MYT1L: variants seen among roughly 807,000 people sequenced by gnomAD.
The protein encoded by MYT1L is myelin transcription factor 1-like protein.
Under a neutral mutation model 126.7 loss-of-function variants are expected in MYT1L, and 12 were observed. That is an observed-to-expected ratio of 0.09 (90% CI 0.06 to 0.15). MYT1L has a LOEUF of 0.15. Ranked by LOEUF, MYT1L falls within the 10% of genes least tolerant of loss-of-function variation. The pLI, the probability that MYT1L is intolerant of heterozygous loss-of-function variation, is 1.00. For synonymous variants in MYT1L, 541 were observed against 604.2 expected (o/e 0.90, Z 1.53); for missense variants, 979 against 1,585.2 (o/e 0.62, Z 6.49).
At chr2:2,064,544 T>C (rs571811381) in intron 3 of MYT1L, among the ~76,000 whole-genome samples, 2 of 152,342 alleles carry the variant, frequency 1.3e-5, no homozygotes, top group South Asian at 4.1e-4. Flanking sequence ...AGACTGAAAG[T>C]ATCTGTGTAC....
intron 22 of MYT1L, among the ~76,000 whole-genome samples, chr2:1,808,202 A>G (rs2036020854): frequency 2.0e-5 from 3 of 152,156 alleles, no homozygotes; most frequent in African/African-American, 7.2e-5. Context: ...CACCTGTTTT[A>G]TGTGTGCTCC....
chr2:2,159,184 G>A (rs1027645653), intron 3 of MYT1L, among the ~76,000 whole-genome samples: 8 of 152,216 alleles, frequency 5.3e-5, no homozygotes, highest in South Asian at 4.2e-4. Flanking sequence ...TCGGGGTGAC[G>A]GTGACAGACC....
In MYT1L at chr2:1,801,954, G is replaced by C; in HGVS notation, c.3173-155C>G. Reference sequence around the variant, plus strand: ...AAAGGAAAAAATCATCACAATCTCTGTGTCTTTCTATTCCCTACCACCGCC... The same window carrying C: ...AAAGGAAAAAATCATCACAATCTCTCTGTCTTTCTATTCCCTACCACCGCC... On this transcript the variant is annotated intron_variant, in intron 22 of 24. Transcript: ENST00000647738. The surrounding 1 kb of genome is among the most constrained non-coding windows in gnomAD (Gnocchi z 4.2). 4 of 578,368 alleles carry C rather than the reference G, an allele frequency of 6.9e-6. No homozygotes were observed. The South Asian group carries it at 8.9e-5, about 13-fold the overall frequency. The allele number at this position is 578,368 out of a possible 1,614,324, so 35.8% of individuals were successfully genotyped here. A position where few individuals can be genotyped will look rare whatever the true frequency, so the allele number is the denominator to read the frequency against.
At chr2:1,862,553 T>A (rs182809438) in intron 18 of MYT1L, among the ~76,000 whole-genome samples, 129 of 152,334 alleles carry the variant, frequency 8.5e-4, no homozygotes, top group Middle Eastern at 6.8e-3. Flanking sequence ...TCAGTTCACA[T>A]GGACTTTCCA....
chr2:2,119,925 A>G (rs1323196615), intron 3 of MYT1L, among the ~76,000 whole-genome samples: 1 of 152,132 alleles, frequency 6.6e-6, no homozygotes, highest in Admixed American at 6.5e-5. Context: ...AATATGACAG[A>G]GAAAAGAAAT....
At chr2:1,965,329 A>G (rs956307745) in intron 8 of MYT1L, among the ~76,000 whole-genome samples, 7 of 148,674 alleles carry the variant, frequency 4.7e-5, no homozygotes, top group African/African-American at 1.5e-4. Context: ...AGACTCTGTG[A>G]CTTGCAGGGA....
At chr2:2,213,593 A>G (rs969752777) in intron 2 of MYT1L, among the ~76,000 whole-genome samples, 1 of 152,230 alleles carries the variant, frequency 6.6e-6, no homozygotes, top group Non-Finnish European at 1.5e-5. Context: ...TTATATTCAC[A>G]GTGCCTTCAG....
chr2:2,105,843 C>T lies in MYT1L; in HGVS notation c.-303-51720G>A, dbSNP rs533150204. Among the ~76,000 whole-genome samples the T allele has an allele frequency of 2.6e-5, 4 of 152,208 alleles. No homozygotes were observed. The South Asian group carries it at 6.2e-4, about 24-fold the overall frequency. On this transcript the variant is annotated intron_variant, in intron 3 of 24. Coordinates refer to ENST00000647738, the MANE Select transcript of MYT1L (RefSeq NM_001303052.2). The stretch of plus-strand genomic sequence containing the variant: ...CAGCATGGAATCAAAATGAGGTTTA[C>T]GTGTATGTGTTTTGTGGTTCATTTT...
At chr2:2,239,264 C>T (rs2094390676) in intron 2 of MYT1L, among the ~76,000 whole-genome samples, 1 of 152,198 alleles carries the variant, frequency 6.6e-6, no homozygotes. Context: ...TGCACATGCA[C>T]AGACAGACGG....
chr2:1,934,849 A>G (rs2055630326), intron 9 of MYT1L, among the ~76,000 whole-genome samples: 1 of 151,894 alleles, frequency 6.6e-6, no homozygotes, highest in African/African-American at 2.4e-5. Flanking sequence ...TTTTATTGTC[A>G]GTGCTCGGAA....
At chr2:2,271,008 C>T (rs2095252903) in intron 2 of MYT1L, among the ~76,000 whole-genome samples, 1 of 152,238 alleles carries the variant, frequency 6.6e-6, no homozygotes, top group Non-Finnish European at 1.5e-5. Flanking sequence ...TTCTTCGCTT[C>T]CTCCTTCCGG....
intron 3 of MYT1L, among the ~76,000 whole-genome samples, chr2:2,150,038 C>A (rs374394937): frequency 9.8e-5 from 15 of 152,338 alleles, no homozygotes; most frequent in African/African-American, 3.4e-4. Flanking sequence ...TCCTCTCTCA[C>A]CTCGCCTCTC....
intron 5 of MYT1L, among the ~76,000 whole-genome samples, chr2:1,984,939 G>T (rs1249330699): frequency 6.6e-6 from 1 of 152,088 alleles, no homozygotes; most frequent in Non-Finnish European, 1.5e-5. Context: ...GCTCACTTTG[G>T]GTCCCAGGTC....
chr2:2,265,912 T>G (rs1203324181), intron 2 of MYT1L, among the ~76,000 whole-genome samples: 1 of 152,074 alleles, frequency 6.6e-6, no homozygotes, highest in African/African-American at 2.4e-5. Flanking sequence ...CTGTGAGCTG[T>G]GAAGGTGCTG....
chr2:1,934,712 CCT>C (rs373844776), intron 9 of MYT1L, among the ~76,000 whole-genome samples: 115 of 147,310 alleles, frequency 7.8e-4, no homozygotes, highest in East Asian at 1.3e-3. Flanking sequence ...CCCCCTACCC[CCT>C]GTCTCTGTCA....
chr2:2,313,705 A>T (rs1327706708), intron 1 of MYT1L, among the ~76,000 whole-genome samples: 4 of 152,180 alleles, frequency 2.6e-5, no homozygotes, highest in Non-Finnish European at 4.4e-5. Context: ...CTCCTAAAAA[A>T]TTTAAGTAAA....
intron 2 of MYT1L, among the ~76,000 whole-genome samples, chr2:2,183,808 G>A (rs2091799856): frequency 7.0e-6 from 1 of 143,066 alleles, no homozygotes; most frequent in South Asian, 2.3e-4. Flanking sequence ...AAAAAGGAAG[G>A]AAGGAGAGAG....
chr2:1,810,647 G>C (rs1558622079), intron 21 of MYT1L, among the ~76,000 whole-genome samples: 1 of 151,782 alleles, frequency 6.6e-6, no homozygotes, highest in African/African-American at 2.4e-5. Context: ...ATATAATTAA[G>C]CTTTCTAAAT....
At chr2:2,105,329 C>T (rs1261646314) in intron 3 of MYT1L, among the ~76,000 whole-genome samples, 2 of 152,146 alleles carry the variant, frequency 1.3e-5, no homozygotes, top group African/African-American at 4.8e-5. Context: ...GGAGGATTTG[C>T]TTTCCACACT....
Sources: allele counts gnomAD v4.1 joint callset (sites outside exome capture counted in the v4.1 genomes callset), GRCh38; gene constraint gnomAD v4.1.1; non-coding constraint Gnocchi (gnomAD v3.1); transcripts MANE v1.5; gene names NCBI Gene and HGNC (gene_info 2026-07-23, HGNC 2026-07-21).